CCDC149: variants seen among roughly 807,000 people sequenced by gnomAD.
CCDC149 encodes coiled-coil domain-containing protein 149.
CCDC149 carries 45 observed loss-of-function variants against 59.9 expected under a neutral mutation model. That is an observed-to-expected ratio of 0.75 (90% CI 0.59 to 0.96). The LOEUF (loss-of-function observed/expected upper bound fraction) is 0.96. Among genes scored for constraint, CCDC149 ranks in the 40% least tolerant of loss-of-function variants. CCDC149 has a pLI of 0.00. For synonymous variants in CCDC149, 245 were observed against 260.6 expected, an observed-to-expected ratio of 0.94 and a Z score of 0.58; for missense variants, 584 against 664.7, an observed-to-expected ratio of 0.88 and a Z score of 1.33.
At chr4:24,839,870 T>C (rs1054361576) in intron 4 of CCDC149, among the ~76,000 whole-genome samples, 1 of 152,186 alleles carries the variant, frequency 6.6e-6, no homozygotes, top group Non-Finnish European at 1.5e-5. Flanking sequence ...ATGGGTTTCA[T>C]ATATGAATGG....
At chr4:24,859,383 AC>A (rs1324566177) in intron 3 of CCDC149, among the ~76,000 whole-genome samples, 1 of 152,068 alleles carries the variant, frequency 6.6e-6, no homozygotes, top group Non-Finnish European at 1.5e-5. Context: ...TCAGAATGTA[AC>A]CCCCTTGAGC....
intron 1 of CCDC149, among the ~76,000 whole-genome samples, chr4:24,920,813 T>C (rs1722263343): frequency 6.6e-6 from 1 of 152,208 alleles, no homozygotes; most frequent in Non-Finnish European, 1.5e-5. Context: ...ACTAAATCAA[T>C]TAAATTTAGG....
intron 1 of CCDC149, among the ~76,000 whole-genome samples, chr4:24,942,909 A>T (rs78837209): frequency 0.083 from 12,530 of 151,748 alleles, 545 homozygotes; most frequent in African/African-American, 0.12. Context: ...GATACAAACA[A>T]ATGGAAGAAC....
intron 1 of CCDC149, among the ~76,000 whole-genome samples, chr4:24,888,450 C>T (rs1720328937): frequency 6.6e-6 from 1 of 152,126 alleles, no homozygotes; most frequent in Non-Finnish European, 1.5e-5. Flanking sequence ...ATCAAAATGA[C>T]ATTTGTATGT....
At chr4:24,911,527 C>T (rs1377249085) in intron 1 of CCDC149, among the ~76,000 whole-genome samples, 1 of 152,222 alleles carries the variant, frequency 6.6e-6, no homozygotes, top group Non-Finnish European at 1.5e-5. Flanking sequence ...TCCTTGACTA[C>T]TAAGTATGAT....
At chr4:24,889,177 C>G (rs1002902730) in intron 1 of CCDC149, among the ~76,000 whole-genome samples, 13 of 152,190 alleles carry the variant, frequency 8.5e-5, no homozygotes, top group Non-Finnish European at 1.9e-4. Context: ...CCTTTCACTT[C>G]TCTTATTTCT....
intron 1 of CCDC149, among the ~76,000 whole-genome samples, chr4:24,953,121 T>A (rs1028157154): frequency 6.6e-6 from 1 of 152,050 alleles, no homozygotes; most frequent in Admixed American, 6.6e-5. Context: ...CCACTGTCTA[T>A]TGGGTCCAGA....
intron 1 of CCDC149, among the ~76,000 whole-genome samples, chr4:24,945,538 C>G (rs1723082852): frequency 6.6e-6 from 1 of 152,078 alleles, no homozygotes; most frequent in Admixed American, 6.6e-5. Context: ...ACCTTGATTT[C>G]AGGCGTCTGG....
At chr4:24,809,336 A>C (rs1714444867) in intron 12 of CCDC149, among the ~76,000 whole-genome samples, 1 of 152,198 alleles carries the variant, frequency 6.6e-6, no homozygotes, top group Admixed American at 6.5e-5. Flanking sequence ...TCAATATCAA[A>C]TAAATTATAT....
intron 1 of CCDC149, among the ~76,000 whole-genome samples, chr4:24,961,124 A>G (rs1450405220): frequency 1.3e-5 from 2 of 152,160 alleles, no homozygotes; most frequent in Non-Finnish European, 2.9e-5. Context: ...CTTGAAACCA[A>G]ATTTTAATAC....
chr4:24,944,946 C>T (rs1005312119), intron 1 of CCDC149, among the ~76,000 whole-genome samples: 3 of 152,178 alleles, frequency 2.0e-5, no homozygotes, highest in Non-Finnish European at 4.4e-5. Flanking sequence ...CCCCTACTCC[C>T]ACAAACCCTC....
At chr4:24,972,045 C>T (rs1238540434) in intron 1 of CCDC149, among the ~76,000 whole-genome samples, 1 of 152,190 alleles carries the variant, frequency 6.6e-6, no homozygotes, top group Non-Finnish European at 1.5e-5. Flanking sequence ...ACATATCAAT[C>T]GGTCCCTTAT....
At chr4:24,962,982 A>AAAAAAG (rs751853397) in intron 1 of CCDC149, among the ~76,000 whole-genome samples, 51 of 152,026 alleles carry the variant, frequency 3.4e-4, no homozygotes, top group African/African-American at 1.1e-3. Flanking sequence ...AAACTTAAAA[A>AAAAAAG]AAAAAGAAAA....
intron 11 of CCDC149, 49 bp from the exon 12 acceptor site, chr4:24,820,024 G>T: frequency 7.1e-7 from 1 of 1,403,228 alleles, no homozygotes; most frequent in Non-Finnish European, 9.8e-7. Context: ...CAGTGGAGTT[G>T]GGTTGCATTT....
chr4:24,875,165 C>T (rs930037036), intron 2 of CCDC149, among the ~76,000 whole-genome samples: 1 of 151,946 alleles, frequency 6.6e-6, no homozygotes, highest in Non-Finnish European at 1.5e-5. Flanking sequence ...CCCGTCTCTA[C>T]TAAAAATACA....
chr4:24,929,820 T>G (rs1332473146), intron 1 of CCDC149, among the ~76,000 whole-genome samples: 1 of 152,210 alleles, frequency 6.6e-6, no homozygotes. Context: ...CTTTATATTT[T>G]ATTGCTTATA....
chr4:24,833,306 C>T (rs1716280500), intron 8 of CCDC149, among the ~76,000 whole-genome samples: 1 of 151,634 alleles, frequency 6.6e-6, no homozygotes, highest in East Asian at 1.9e-4. Context: ...AATTGGATGG[C>T]TGCTTTGTAG....
intron 3 of CCDC149, among the ~76,000 whole-genome samples, chr4:24,869,650 G>T (rs751860730): frequency 7.9e-5 from 12 of 152,304 alleles, no homozygotes; most frequent in Non-Finnish European, 1.5e-4. Context: ...TGCTCACCTT[G>T]TGCCAGGCAC....
In CCDC149 at chr4:24,945,375, G is replaced by A. The variant is rs1185984669; in HGVS notation, c.-65+34694C>T. 2.6e-5 allele frequency among the ~76,000 whole-genome samples: 4 copies of A among 152,186 alleles called. No homozygotes were observed. In the East Asian group the frequency reaches 5.8e-4, roughly 22 times the overall value. On this transcript the variant is annotated intron_variant, in intron 1 of 12. Coordinates refer to the CCDC149 transcript ENST00000389609. ...ACACACAGATCCAGAGACACATAAG[G>A]AGGTGCCATGTATGTGGTAACAGAG...
Sources: allele counts gnomAD v4.1 joint callset (sites outside exome capture counted in the v4.1 genomes callset), GRCh38; gene constraint gnomAD v4.1.1; transcripts MANE v1.5; gene names NCBI Gene and HGNC (gene_info 2026-07-23, HGNC 2026-07-21).